The following GGNBP2 variants were observed in gnomAD, a reference collection of about 807,000 sequenced individuals.
GGNBP2 encodes gametogenetin-binding protein 2.
Under a neutral mutation model 85.9 loss-of-function variants are expected in GGNBP2, and 10 were observed. That is an observed-to-expected ratio of 0.12 (90% CI 0.07 to 0.20). The LOEUF (loss-of-function observed/expected upper bound fraction) is 0.20. Ranked by LOEUF, GGNBP2 falls within the 10% of genes least tolerant of loss-of-function variation. GGNBP2 has a pLI of 1.00. For synonymous variants in GGNBP2, 287 were observed against 285.7 expected (o/e 1.00, Z -0.05); for missense variants, 595 against 857.8 (o/e 0.69, Z 3.83).
rs367816180 is a variant in GGNBP2, at chr17:36,570,890, C to A, written c.641+3114C>A. Among the ~76,000 whole-genome samples, 4 of 151,046 alleles carry A rather than the reference C, an allele frequency of 2.6e-5. No individual in the cohort carries two copies. In the East Asian group the frequency reaches 5.9e-4, roughly 22 times the overall value. On this transcript the variant is annotated intron_variant, in intron 6 of 13. Coordinates refer to ENST00000613102, the MANE Select transcript of GGNBP2 (RefSeq NM_024835.5). ...CATAAATTAGCCAGGCATGGTGGTG[C>A]ACTTCTGTAATCCCAGCTACTCAGG...
intron 6 of GGNBP2, chr17:36,576,599 GTGT>G (rs2074589813): frequency 1.2e-5 from 1 of 80,224 alleles, no homozygotes; most frequent in Non-Finnish European, 2.2e-5. Context: ...ATATATATGT[GTGT>G]GTGTGTGTGT....
chr17:36,560,525 A>G (rs1486402511), intron 4 of GGNBP2, among the ~76,000 whole-genome samples: 1 of 152,200 alleles, frequency 6.6e-6, no homozygotes, highest in Admixed American at 6.6e-5. Context: ...AGCCGGGACT[A>G]CAGGTGTGTG....
chr17:36,586,988 T>C lies in GGNBP2; in HGVS notation c.1642-9T>C, dbSNP rs370828700. 19 of 1,610,748 alleles carry C rather than the reference T, an allele frequency of 1.2e-5. No homozygotes were observed. Among genetic ancestry groups the C allele is most frequent in the Non-Finnish European group, 1.6e-5 (19 of 1,177,818 alleles). On this transcript the variant is annotated splice_polypyrimidine_tract_variant and intron_variant, in intron 12 of 13. Coordinates refer to ENST00000613102, the MANE Select transcript of GGNBP2 (RefSeq NM_024835.5). ...TTTTTACCTGTGAAATCCTTTGCTG[T>C]GGTATCAGATCCAGAAGCTTGGAAG...
chr17:36,561,604 T>A (rs1197131764), intron 5 of GGNBP2, among the ~76,000 whole-genome samples: 1 of 152,168 alleles, frequency 6.6e-6, no homozygotes, highest in East Asian at 1.9e-4. Context: ...TGTATTTATG[T>A]AACTAATTTG....
At chr17:36,580,537 T>C (rs2074637939) in intron 8 of GGNBP2, among the ~76,000 whole-genome samples, 1 of 152,198 alleles carries the variant, frequency 6.6e-6, no homozygotes, top group East Asian at 1.9e-4. Context: ...TTTGTATTTT[T>C]GTACCTTCAG....
chr17:36,574,624 G>A lies in GGNBP2; in HGVS notation c.642-3359G>A, dbSNP rs898033361. 72 of 573,412 alleles carry A rather than the reference G, an allele frequency of 1.3e-4. No individual in the cohort carries two copies. The East Asian group carries it at 1.9e-3, about 15-fold the overall frequency. The allele number at this position is 573,412 out of a possible 1,614,324, so 35.5% of individuals were successfully genotyped here. A position where few individuals can be genotyped will look rare whatever the true frequency, so the allele number is the denominator to read the frequency against. On this transcript the variant is annotated intron_variant, in intron 6 of 13. Coordinates refer to ENST00000613102, the MANE Select transcript of GGNBP2 (RefSeq NM_024835.5). Reference sequence around the variant, plus strand: ...AGGTCTTAGAGATGGCATCAAAGGTGTCCTTGGTATAGTTACCCAGGGCGG... The same window carrying A: ...AGGTCTTAGAGATGGCATCAAAGGTATCCTTGGTATAGTTACCCAGGGCGG...
At position 36,589,473 on chromosome 17, in the gene GGNBP2, C is replaced by T. The variant is rs1272325489; in HGVS notation, c.*62C>T. On this transcript the variant is annotated 3_prime_UTR_variant, in exon 14 of 14. Coordinates refer to ENST00000613102, the MANE Select transcript of GGNBP2 (RefSeq NM_024835.5). ...ACGATGACTACTGCGCCTTCTCTTT[C>T]GAAAAACTCTTAATTTAGTGACTTA... is the stretch of plus-strand genomic sequence containing the variant. The T allele has an allele frequency of 1.2e-5, 16 of 1,302,772 alleles. No homozygotes were observed. Among genetic ancestry groups the T allele is most frequent in the African/African-American group, 3.0e-5 (2 of 67,710 alleles). 80.7% of individuals were successfully genotyped at this position (1,302,772 alleles called of 1,614,324 possible).
intron 2 of GGNBP2, chr17:36,546,114 T>G: frequency 2.3e-6 from 1 of 434,600 alleles, no homozygotes; most frequent in Non-Finnish European, 4.1e-6. Flanking sequence ...AGCACACATC[T>G]CAGAGAGGGG....
At chr17:36,561,732 T>G (rs2074418913) in intron 5 of GGNBP2, among the ~76,000 whole-genome samples, 1 of 151,944 alleles carries the variant, frequency 6.6e-6, no homozygotes, top group African/African-American at 2.4e-5. Flanking sequence ...CAAGCTGTTC[T>G]CCTGCCCCAG....
At chr17:36,581,290 AAAAAG>A (rs1009470805) in intron 8 of GGNBP2, 49 bp from the exon 9 acceptor site, 53 of 1,283,504 alleles carry the variant, frequency 4.1e-5, no homozygotes, top group South Asian at 3.6e-4. Context: ...GTCTCAAAAA[AAAAAG>A]AAAAGAAGTT....
At chr17:36,562,782 T>TGGG (rs958044006) in intron 5 of GGNBP2, among the ~76,000 whole-genome samples, 6 of 148,482 alleles carry the variant, frequency 4.0e-5, no homozygotes, top group Admixed American at 2.0e-4. Context: ...CTGACCAACA[T>TGGG]GGGGAAACCT....
chr17:36,581,789 C>T (rs1416660954), intron 9 of GGNBP2: 6 of 266,546 alleles, frequency 2.3e-5, no homozygotes, highest in Non-Finnish European at 3.4e-5. Flanking sequence ...GGTTTGATTC[C>T]AGGACTTCCT....
intron 5 of GGNBP2, among the ~76,000 whole-genome samples, chr17:36,565,698 C>A (rs1167511718): frequency 1.3e-5 from 2 of 152,096 alleles, no homozygotes; most frequent in Non-Finnish European, 2.9e-5. Flanking sequence ...GAGTTCGCGA[C>A]CAGCCTGGCC....
intron 3 of GGNBP2, 103 bp from the exon 4 acceptor site, chr17:36,556,980 G>A (rs2074368224): frequency 1.5e-6 from 2 of 1,371,054 alleles, no homozygotes; most frequent in African/African-American, 2.8e-5. Flanking sequence ...GTAAACCCTG[G>A]CCAGGTTGTA....
At chr17:36,587,410 CG>C (rs1370516253) in intron 13 of GGNBP2, 165 bp downstream of exon 13, 16 of 755,020 alleles carry the variant, frequency 2.1e-5, no homozygotes, top group Non-Finnish European at 3.1e-5. Flanking sequence ...TCCTTCCACT[CG>C]TGGTTTATGC....
intron 5 of GGNBP2, among the ~76,000 whole-genome samples, chr17:36,563,234 C>G (rs992253115): frequency 6.6e-6 from 1 of 151,442 alleles, no homozygotes; most frequent in Non-Finnish European, 1.5e-5. Flanking sequence ...CCATTGCACT[C>G]CAGCCTGGGC....
intron 6 of GGNBP2, among the ~76,000 whole-genome samples, chr17:36,569,245 C>T (rs943509721): frequency 1.8e-4 from 28 of 152,154 alleles, no homozygotes; most frequent in African/African-American, 6.3e-4. Flanking sequence ...AACCCCGTGT[C>T]TACTAAAAAT....
At chr17:36,554,965 T>C in intron 3 of GGNBP2, 65 bp downstream of exon 3, 2 of 983,338 alleles carry the variant, frequency 2.0e-6, no homozygotes, top group Non-Finnish European at 3.2e-6. Context: ...ATTTAAAATT[T>C]AGCTGTATTA....
At chr17:36,578,411 T>C (rs1330091975) in intron 7 of GGNBP2, 1 of 444,276 alleles carries the variant, frequency 2.3e-6, no homozygotes, top group African/African-American at 2.0e-5. Context: ...TAGTTCTTGC[T>C]TGAAGGGAGG....
Sources: gnomAD v4.1 joint callset for allele counts (sites outside exome capture counted in the v4.1 genomes callset) on GRCh38, gnomAD v4.1.1 for gene constraint, MANE v1.5 for transcripts, NCBI Gene and HGNC (gene_info 2026-07-23, HGNC 2026-07-21) for gene names.